Variants in NINJ2 observed in about 807,000 individuals in gnomAD.
NINJ2 encodes the protein ninjurin 2, also known as ninjurin-2.
NINJ2 carries 12 observed loss-of-function variants against 11.7 expected under a neutral mutation model. The ratio of observed to expected loss-of-function variants is 1.02; its 90% CI spans 0.66 to 1.66. The LOEUF (loss-of-function observed/expected upper bound fraction) is 1.66. NINJ2 is among the 40% of genes most tolerant of loss of function. The pLI is 0.00. For missense variants in NINJ2, 187 were observed against 181.8 expected, an observed-to-expected ratio of 1.03 and a Z score of -0.16; for synonymous variants, 93 against 76.8, an observed-to-expected ratio of 1.21 and a Z score of -1.10.
At chr12:658,977 G>T (rs1233022462) in intron 1 of NINJ2, among the ~76,000 whole-genome samples, 3 of 150,710 alleles carry the variant, frequency 2.0e-5, no homozygotes. Flanking sequence ...TCTCCATTTT[G>T]CCATGAACCT....
chr12:643,193 G>A (rs1455611133), intron 1 of NINJ2: 1 of 155,234 alleles, frequency 6.4e-6, no homozygotes, highest in Non-Finnish European at 1.4e-5. Context: ...GGCCACCGAG[G>A]GCTCCAGGAG....
chr12:606,202 A>G (rs2607918), intron 1 of NINJ2, among the ~76,000 whole-genome samples: 129,929 of 152,068 alleles, frequency 0.85, 55,945 homozygotes, highest in African/African-American at 0.96. Flanking sequence ...AATATTCGGA[A>G]ACCAAAGAAA....
rs1285718924 is a variant in NINJ2, at chr12:580,252, C to T, written c.34-14074G>A. Among the ~76,000 whole-genome samples, 3 of 152,090 alleles carry T rather than the reference C, an allele frequency of 2.0e-5. No homozygotes were observed. The highest frequency in any genetic ancestry group is 4.4e-5 in the Non-Finnish European group (3 of 68,018). ...GAAAAGCTTCATGGGAACAAGGGGG[C>T]GCCTCACCTGGAGTGCTGAATGAAT... On this transcript the variant is annotated intron_variant, in intron 1 of 3. Transcript: ENST00000305108. This position sits in a 1 kb window ranked among gnomAD's most constrained non-coding sequence, Gnocchi z 4.7.
intron 1 of NINJ2, among the ~76,000 whole-genome samples, chr12:587,807 G>A (rs555032956): frequency 3.7e-4 from 57 of 152,254 alleles, no homozygotes; most frequent in African/African-American, 1.0e-3. Context: ...CTTCCTCGCC[G>A]TCCACCCAGG....
At chr12:637,143 G>A (rs1358377749) in intron 1 of NINJ2, among the ~76,000 whole-genome samples, 1 of 152,130 alleles carries the variant, frequency 6.6e-6, no homozygotes, top group East Asian at 1.9e-4. Flanking sequence ...AAGGTCAGGA[G>A]TTCAAGACCA....
chr12:660,635 G>A (rs1273833816), intron 1 of NINJ2, among the ~76,000 whole-genome samples: 1 of 151,782 alleles, frequency 6.6e-6, no homozygotes, highest in South Asian at 2.1e-4. Flanking sequence ...CACCTAGCCC[G>A]GCCCTGTTAT....
At chr12:584,064 A>C (rs1947599252) in intron 1 of NINJ2, among the ~76,000 whole-genome samples, 1 of 152,150 alleles carries the variant, frequency 6.6e-6, no homozygotes, top group African/African-American at 2.4e-5. Context: ...TGGAGTAAAA[A>C]AAAAACCCAA....
At position 580,606 on chromosome 12, in the gene NINJ2, T is replaced by C. The variant is rs910098653; in HGVS notation, c.34-14428A>G. Reference sequence around the variant, plus strand: ...TGTCTCAAAAAAAAAAAAATATATATATATATATATCCATTTGTCATTCAC... The same window carrying C: ...TGTCTCAAAAAAAAAAAAATATATACATATATATATCCATTTGTCATTCAC... On this transcript the variant is annotated intron_variant, in intron 1 of 3. Transcript: ENST00000305108. This position sits in a 1 kb window ranked among gnomAD's most constrained non-coding sequence, Gnocchi z 4.7. Among the ~76,000 whole-genome samples, 1 of 150,976 alleles carries C rather than the reference T, an allele frequency of 6.6e-6. No individual in the cohort carries two copies. Among genetic ancestry groups the C allele is most frequent in the Non-Finnish European group, 1.5e-5 (1 of 67,828 alleles).
intron 1 of NINJ2, among the ~76,000 whole-genome samples, chr12:655,795 C>G (rs988545226): frequency 3.9e-5 from 6 of 152,064 alleles, no homozygotes; most frequent in African/African-American, 1.2e-4. Context: ...CACCTGTAAT[C>G]CCAGCTACTC....
Position 607,123 on chromosome 12 carries a change from T to C in NINJ2, c.34-40945A>G, listed in dbSNP as rs1287257959. 5.9e-5 allele frequency among the ~76,000 whole-genome samples: 9 copies of C among 152,310 alleles called. No homozygotes were observed. In the East Asian group the frequency reaches 1.5e-3, roughly 26 times the overall value. ...AACCAAAAAATTTCTCCTGATATATTGCTACTCAAGGTATTAGAACCTGGG... is the reference window on the plus strand; with the variant it reads ...AACCAAAAAATTTCTCCTGATATATCGCTACTCAAGGTATTAGAACCTGGG... On this transcript the variant is annotated intron_variant, in intron 1 of 3. Coordinates refer to ENST00000305108, the MANE Select transcript of NINJ2 (RefSeq NM_016533.6).
chr12:597,754 G>T (rs1423665602), intron 1 of NINJ2, among the ~76,000 whole-genome samples: 1 of 152,250 alleles, frequency 6.6e-6, no homozygotes, highest in Non-Finnish European at 1.5e-5. Context: ...ATTAGTGGGA[G>T]TTACCATTAA....
chr12:639,231 G>A (rs1948391718), intron 1 of NINJ2, among the ~76,000 whole-genome samples: 1 of 152,112 alleles, frequency 6.6e-6, no homozygotes, highest in South Asian at 2.1e-4. Flanking sequence ...TTAAATAAAT[G>A]TCTAAGTCAG....
At chr12:604,628 A>G (rs1207938556) in intron 1 of NINJ2, among the ~76,000 whole-genome samples, 1 of 152,100 alleles carries the variant, frequency 6.6e-6, no homozygotes, top group Non-Finnish European at 1.5e-5. Flanking sequence ...ACAGAGCGAG[A>G]CTCAGTCCCA....
At chr12:588,138 C>G (rs1187475912) in intron 1 of NINJ2, among the ~76,000 whole-genome samples, 1 of 149,050 alleles carries the variant, frequency 6.7e-6, no homozygotes, top group East Asian at 1.9e-4. Flanking sequence ...ATTTACAAGA[C>G]AGCAAAATGG....
chr12:631,894 A>G (rs943133259), intron 1 of NINJ2, among the ~76,000 whole-genome samples: 3 of 152,224 alleles, frequency 2.0e-5, no homozygotes, highest in South Asian at 2.1e-4. Context: ...GATTTCTGCA[A>G]TGCTCCTTAG....
intron 1 of NINJ2, among the ~76,000 whole-genome samples, chr12:572,979 C>T (rs1300369934): frequency 2.0e-5 from 3 of 150,490 alleles, no homozygotes; most frequent in African/African-American, 4.9e-5. Flanking sequence ...GCCTCAGCCT[C>T]CCGAGTAGCT....
intron 1 of NINJ2, among the ~76,000 whole-genome samples, chr12:639,164 G>T (rs1378502733): frequency 1.3e-5 from 2 of 151,968 alleles, no homozygotes; most frequent in African/African-American, 4.8e-5. Flanking sequence ...ACAATCTCGT[G>T]TGGCAGAACT....
chr12:598,025 G>A (rs1230308703), intron 1 of NINJ2, among the ~76,000 whole-genome samples: 3 of 152,210 alleles, frequency 2.0e-5, no homozygotes, highest in Non-Finnish European at 4.4e-5. Context: ...GGTCCCCTGC[G>A]GAGAAAGCTT....
intron 1 of NINJ2, among the ~76,000 whole-genome samples, chr12:627,978 T>C (rs908408990): frequency 1.3e-5 from 2 of 152,202 alleles, no homozygotes; most frequent in African/African-American, 2.4e-5. Context: ...AAGTCCTTCC[T>C]GTCCTGTCCC....
Sources: allele counts gnomAD v4.1 joint callset (sites outside exome capture counted in the v4.1 genomes callset), GRCh38; gene constraint gnomAD v4.1.1; non-coding constraint Gnocchi (gnomAD v3.1); transcripts MANE v1.5; gene names NCBI Gene and HGNC (gene_info 2026-07-23, HGNC 2026-07-21).